The following COLGALT2 variants were observed in gnomAD, a reference collection of about 807,000 sequenced individuals.
The protein encoded by COLGALT2 is collagen beta(1-O)galactosyltransferase 2.
COLGALT2 carries 49 observed loss-of-function variants against 73.4 expected under a neutral mutation model. The observed-to-expected ratio is 0.67, with a 90% CI of 0.53 to 0.85. The LOEUF (loss-of-function observed/expected upper bound fraction) is 0.85. Among genes scored for constraint, COLGALT2 ranks in the 40% least tolerant of loss-of-function variants. The pLI, the probability that COLGALT2 is intolerant of heterozygous loss-of-function variation, is 0.00. For synonymous variants in COLGALT2, 295 were observed against 307.6 expected, an observed-to-expected ratio of 0.96 and a Z score of 0.43; for missense variants, 722 against 790.2, an observed-to-expected ratio of 0.91 and a Z score of 1.03.
chr1:183,974,298 C>G (rs957661284), intron 3 of COLGALT2, among the ~76,000 whole-genome samples: 5 of 152,256 alleles, frequency 3.3e-5, no homozygotes, highest in African/African-American at 9.6e-5. Flanking sequence ...TATTTAGAGA[C>G]AGTATAACAA....
chr1:183,957,627 T>C lies in COLGALT2; in HGVS notation c.953-2789A>G, dbSNP rs568497418. On this transcript the variant is annotated intron_variant, in intron 6 of 11. Coordinates refer to ENST00000361927, the MANE Select transcript of COLGALT2 (RefSeq NM_015101.4). ...TGCTCTCAGTCTTTCCTATTCTAAT[T>C]AATCATGCTCACTGTTGTCAAAATA... Among the ~76,000 whole-genome samples, 3 of 152,308 alleles carry C rather than the reference T, an allele frequency of 2.0e-5. No individual in the cohort carries two copies. The South Asian group carries it at 6.2e-4, about 32-fold the overall frequency.
chr1:183,948,599 A>C (rs2102794099), intron 8 of COLGALT2, among the ~76,000 whole-genome samples: 1 of 152,278 alleles, frequency 6.6e-6, no homozygotes, highest in South Asian at 2.1e-4. Flanking sequence ...TCTGTGAAAA[A>C]CCCACAATTA....
At chr1:183,960,166 A>G (rs939869382) in intron 6 of COLGALT2, among the ~76,000 whole-genome samples, 2 of 151,436 alleles carry the variant, frequency 1.3e-5, no homozygotes, top group Non-Finnish European at 2.9e-5. Flanking sequence ...GCTCCTTAAG[A>G]TAGGAATTCT....
chr1:183,990,702 A>C (rs1671607464), intron 1 of COLGALT2, among the ~76,000 whole-genome samples: 1 of 152,222 alleles, frequency 6.6e-6, no homozygotes, highest in Non-Finnish European at 1.5e-5. Flanking sequence ...GGAACAACAT[A>C]TGTGGAGGCA....
chr1:183,948,611 C>A (rs1670309691), intron 8 of COLGALT2, among the ~76,000 whole-genome samples: 1 of 152,198 alleles, frequency 6.6e-6, no homozygotes, highest in Non-Finnish European at 1.5e-5. Context: ...CCACAATTAA[C>A]ATCATACTTA....
At chr1:184,013,936 G>A (rs572266007) in intron 1 of COLGALT2, among the ~76,000 whole-genome samples, 2 of 152,254 alleles carry the variant, frequency 1.3e-5, no homozygotes, top group African/African-American at 4.8e-5. Flanking sequence ...TTCTGTTTTG[G>A]GCAAATGCTT....
At chr1:183,959,975 C>G (rs1226483807) in intron 6 of COLGALT2, among the ~76,000 whole-genome samples, 1 of 152,144 alleles carries the variant, frequency 6.6e-6, no homozygotes, top group Non-Finnish European at 1.5e-5. Flanking sequence ...ATTCATATGG[C>G]TGCTTCCCAG....
chr1:183,975,139 T>C lies in COLGALT2; in HGVS notation c.450A>G (p.Ala150=). 1.2e-6 allele frequency: 2 copies of C among 1,614,152 alleles called. No individual in the cohort carries two copies. The highest frequency in any genetic ancestry group is 1.7e-6 in the Non-Finnish European group (2 of 1,179,988). ...RFAHVMKLRQ[A]ALRTAREKWS... ...ATTTTTCCCTCGCAGTTCGAAGGGC[T>C]GCCTGTCGTAGTTTCATCACATGGG... The change falls in exon 3 of 12, where the codon GCA becomes GCG. Residue 150 remains alanine, a synonymous_variant. Transcript: ENST00000361927.
intron 2 of COLGALT2, 71 bp from the exon 3 acceptor site, chr1:183,975,285 T>C (rs1671159506): frequency 4.8e-6 from 4 of 841,002 alleles, no homozygotes; most frequent in South Asian, 1.8e-5. Context: ...AATGTTTATA[T>C]GTATTCATTT....
rs189750121 is a variant in COLGALT2, at chr1:183,930,450, G to A, written c.1605-161C>T. On this transcript the variant is annotated intron_variant, in intron 11 of 11. Coordinates refer to the COLGALT2 transcript ENST00000649786. ...ACTCTGTCACCCAGGCTGGAGTGGCGCAACCTCAGCTCACTGCAGACTCCG... is the reference window on the plus strand; with the variant it reads ...ACTCTGTCACCCAGGCTGGAGTGGCACAACCTCAGCTCACTGCAGACTCCG... Among the ~76,000 whole-genome samples, 217 of 151,944 alleles carry A rather than the reference G, an allele frequency of 1.4e-3. 1 individual carries two copies. Among genetic ancestry groups the A allele is most frequent in the African/African-American group, 4.9e-3 (204 of 41,462 alleles).
chr1:184,028,842 T>A (rs1486390213), intron 1 of COLGALT2, among the ~76,000 whole-genome samples: 1 of 152,248 alleles, frequency 6.6e-6, no homozygotes, highest in Non-Finnish European at 1.5e-5. Context: ...GGAAGGAGAT[T>A]ATTTTGCATT....
chr1:183,963,793 G>A (rs1180722842), intron 6 of COLGALT2, 108 bp downstream of exon 6: 1 of 1,181,952 alleles, frequency 8.5e-7, no homozygotes, highest in African/African-American at 1.6e-5. Flanking sequence ...TTCAGCCAGG[G>A]GAGACTGATG....
At chr1:183,968,295 T>C (rs532476353) in intron 5 of COLGALT2, among the ~76,000 whole-genome samples, 5 of 152,372 alleles carry the variant, frequency 3.3e-5, no homozygotes, top group Non-Finnish European at 7.3e-5. Context: ...CTCTGTTAGA[T>C]GCCATGTGTC....
chr1:183,999,065 T>C (rs1490434121), intron 1 of COLGALT2, among the ~76,000 whole-genome samples: 1 of 152,134 alleles, frequency 6.6e-6, no homozygotes, highest in East Asian at 1.9e-4. Flanking sequence ...CATTTCACCA[T>C]CAAATATGAT....
At chr1:183,957,246 T>C (rs1369339855) in intron 6 of COLGALT2, among the ~76,000 whole-genome samples, 1 of 152,176 alleles carries the variant, frequency 6.6e-6, no homozygotes, top group Non-Finnish European at 1.5e-5. Flanking sequence ...GTGTCTCTAT[T>C]TTTATAGACA....
intron 9 of COLGALT2, among the ~76,000 whole-genome samples, chr1:183,945,217 TC>T (rs1356460003): frequency 6.6e-6 from 1 of 152,138 alleles, no homozygotes; most frequent in Non-Finnish European, 1.5e-5. Flanking sequence ...CATGGGTGTC[TC>T]CCCCGTCACC....
At chr1:184,001,387 A>G (rs12034897) in intron 1 of COLGALT2, among the ~76,000 whole-genome samples, 17,111 of 152,086 alleles carry the variant, frequency 0.11, 1,517 homozygotes, top group East Asian at 0.43. Flanking sequence ...TAGATTTTGG[A>G]AAATTCTTAC....
chr1:183,944,688 G>A (rs544128643), intron 9 of COLGALT2, among the ~76,000 whole-genome samples: 16 of 151,784 alleles, frequency 1.1e-4, no homozygotes, highest in African/African-American at 3.4e-4. Flanking sequence ...AGTACGGGGT[G>A]GGGGGGTGCT....
intron 1 of COLGALT2, among the ~76,000 whole-genome samples, chr1:183,992,408 G>A (rs1032406749): frequency 6.6e-6 from 1 of 152,200 alleles, no homozygotes; most frequent in East Asian, 1.9e-4. Flanking sequence ...AGGTATATCA[G>A]TAGGCTTCAC....
Sources: allele counts gnomAD v4.1 joint callset (sites outside exome capture counted in the v4.1 genomes callset), GRCh38; gene constraint gnomAD v4.1.1; transcripts MANE v1.5; gene names NCBI Gene and HGNC (gene_info 2026-07-23, HGNC 2026-07-21).